OSBPL1A: variants seen among roughly 807,000 people sequenced by gnomAD.
OSBPL1A encodes the protein oxysterol-binding protein-related protein 1.
A neutral mutation model predicts 137.1 loss-of-function variants in OSBPL1A; 80 were observed. The observed-to-expected ratio is 0.58, with a 90% CI of 0.49 to 0.70. The LOEUF (loss-of-function observed/expected upper bound fraction) is 0.70. OSBPL1A is among the 30% of genes least tolerant of loss of function. The probability of loss-of-function intolerance (pLI) is 0.00; values close to 1 mark genes in which losing one functional copy is unlikely to be tolerated. For missense variants in OSBPL1A, 970 were observed against 1,129.4 expected (o/e 0.86, Z 2.02); for synonymous variants, 365 against 389.7 (o/e 0.94, Z 0.75).
chr18:24,206,112 A>AACTCCTGACCTCAGATTGTCCTCGC (rs2087367657), intron 17 of OSBPL1A, among the ~76,000 whole-genome samples: 1 of 152,186 alleles, frequency 6.6e-6, no homozygotes, highest in South Asian at 2.1e-4. Flanking sequence ...GCTGGTCTCG[A>AACTCCTGACCTCAGATTGTCCTCGC]ACTCCTGACC....
At chr18:24,227,147 C>G (rs903895729) in intron 16 of OSBPL1A, among the ~76,000 whole-genome samples, 7 of 152,118 alleles carry the variant, frequency 4.6e-5, no homozygotes, top group African/African-American at 1.4e-4. Flanking sequence ...CCCACCTCAG[C>G]CTCCCAAAGT....
intron 4 of OSBPL1A, among the ~76,000 whole-genome samples, chr18:24,359,580 G>A (rs1314631789): frequency 6.6e-6 from 1 of 152,020 alleles, no homozygotes; most frequent in Admixed American, 6.6e-5. Flanking sequence ...TATAGTTCTA[G>A]GTGGAAGGAT....
intron 9 of OSBPL1A, 121 bp from the exon 10 acceptor site, chr18:24,317,521 TA>T (rs11323744): frequency 0.98 from 689,384 of 702,454 alleles, 338,377 homozygotes; most frequent in East Asian, 1. Context: ...CACTGAACAG[TA>T]AAAAAAAATG....
chr18:24,353,777 A>T (rs2091486100), intron 4 of OSBPL1A, among the ~76,000 whole-genome samples: 1 of 152,084 alleles, frequency 6.6e-6, no homozygotes, highest in Admixed American at 6.5e-5. Flanking sequence ...AGGGACATGG[A>T]TGAAGCTGGA....
chr18:24,237,197 T>G (rs2088510929), intron 16 of OSBPL1A, among the ~76,000 whole-genome samples: 1 of 151,828 alleles, frequency 6.6e-6, no homozygotes. Context: ...GGAGAAGGAG[T>G]GCATGATTAA....
intron 15 of OSBPL1A, among the ~76,000 whole-genome samples, chr18:24,278,736 G>A (rs777457905): frequency 6.6e-6 from 1 of 152,272 alleles, no homozygotes; most frequent in East Asian, 1.9e-4. Context: ...AGAGACATGA[G>A]TGAAATGCGG....
chr18:24,390,780 C>T (rs1015073580), intron 1 of OSBPL1A, among the ~76,000 whole-genome samples: 1 of 148,940 alleles, frequency 6.7e-6, no homozygotes, highest in African/African-American at 2.5e-5. Context: ...TTTCCATGCT[C>T]TTGCTCTCCA....
chr18:24,333,723 T>C (rs1044996014), intron 6 of OSBPL1A, among the ~76,000 whole-genome samples: 2 of 152,192 alleles, frequency 1.3e-5, no homozygotes, highest in Admixed American at 6.5e-5. Flanking sequence ...AGCTGGAAAG[T>C]AGGTCTTCTA....
Position 24,368,373 on chromosome 18 carries a change from C to A in OSBPL1A, c.122-1G>T. The stretch of plus-strand genomic sequence containing the variant: ...CAGCCCAAGTTAGACTTACTTCTTC[C>A]TAAAAATGGAAAAATATAAGGTATT... On this transcript the variant is annotated splice_acceptor_variant, in intron 2 of 27. Coordinates refer to ENST00000319481, the MANE Select transcript of OSBPL1A (RefSeq NM_080597.4). LOFTEE classifies it high-confidence loss of function. 6.2e-7 allele frequency: 1 copy of A among 1,607,634 alleles called. No homozygotes were observed. Among genetic ancestry groups the A allele is most frequent in the East Asian group, 2.2e-5 (1 of 44,828 alleles).
At chr18:24,214,080 A>G (rs933078354) in intron 17 of OSBPL1A, among the ~76,000 whole-genome samples, 3 of 152,216 alleles carry the variant, frequency 2.0e-5, no homozygotes, top group Non-Finnish European at 4.4e-5. Flanking sequence ...GGAAGGAAAG[A>G]TGAAACAGGA....
chr18:24,249,476 GC>G (rs2089005953), intron 15 of OSBPL1A, among the ~76,000 whole-genome samples: 1 of 152,180 alleles, frequency 6.6e-6, no homozygotes. Flanking sequence ...AGCAATCACA[GC>G]ACCTGATTTC....
chr18:24,268,051 C>T (rs1010881477), intron 15 of OSBPL1A, among the ~76,000 whole-genome samples: 1 of 152,106 alleles, frequency 6.6e-6, no homozygotes, highest in Admixed American at 6.6e-5. Flanking sequence ...TCCTCACCTC[C>T]CTCACACTCA....
At chr18:24,200,973 T>C (rs546333923) in intron 17 of OSBPL1A, among the ~76,000 whole-genome samples, 1 of 151,998 alleles carries the variant, frequency 6.6e-6, no homozygotes, top group Non-Finnish European at 1.5e-5. Context: ...TCCCGAATGG[T>C]GTTGGATGGC....
chr18:24,189,578 GA>G (rs1174629411), intron 18 of OSBPL1A, among the ~76,000 whole-genome samples: 2 of 152,154 alleles, frequency 1.3e-5, no homozygotes, highest in East Asian at 3.8e-4. Context: ...TACCGATAAT[GA>G]AAAAATTCAT....
chr18:24,190,057 T>C (rs946642855), intron 18 of OSBPL1A, among the ~76,000 whole-genome samples: 3 of 152,218 alleles, frequency 2.0e-5, no homozygotes, highest in African/African-American at 7.2e-5. Context: ...ATTCCTTTCC[T>C]ATTCTTCCTG....
At chr18:24,322,473 G>A (rs964524801) in intron 7 of OSBPL1A, among the ~76,000 whole-genome samples, 10 of 152,042 alleles carry the variant, frequency 6.6e-5, no homozygotes, top group African/African-American at 1.9e-4. Flanking sequence ...AGCTGCTGAT[G>A]GGGAACCTGG....
chr18:24,334,648 TTC>T (rs1226986936), intron 5 of OSBPL1A, among the ~76,000 whole-genome samples: 1 of 152,102 alleles, frequency 6.6e-6, no homozygotes, highest in Non-Finnish European at 1.5e-5. Flanking sequence ...GTAAGTGGGG[TTC>T]ATACCTTCTA....
intron 21 of OSBPL1A, among the ~76,000 whole-genome samples, chr18:24,173,395 T>TA (rs200597705): frequency 6.6e-6 from 1 of 151,142 alleles, no homozygotes; most frequent in Non-Finnish European, 1.5e-5. Context: ...AAATAAAAGT[T>TA]AAAAAAAAAG....
intron 18 of OSBPL1A, among the ~76,000 whole-genome samples, chr18:24,191,063 T>C (rs992108864): frequency 2.6e-5 from 4 of 152,248 alleles, no homozygotes; most frequent in African/African-American, 4.8e-5. Context: ...TTTCTCAGTA[T>C]TGCAAGGTAC....
Sources: gnomAD v4.1 joint callset for allele counts (sites outside exome capture counted in the v4.1 genomes callset) on GRCh38, gnomAD v4.1.1 for gene constraint, MANE v1.5 for transcripts, NCBI Gene and HGNC (gene_info 2026-07-23, HGNC 2026-07-21) for gene names.